AATF: variants seen among roughly 807,000 people sequenced by gnomAD.
The protein encoded by AATF is apoptosis antagonizing transcription factor.
AATF carries 48 observed loss-of-function variants against 63.7 expected under a neutral mutation model. The ratio of observed to expected loss-of-function variants is 0.75; its 90% CI spans 0.60 to 0.96. The LOEUF (loss-of-function observed/expected upper bound fraction) is 0.96. Ranked by LOEUF, AATF falls within the 40% of genes least tolerant of loss-of-function variation. The pLI, the probability that AATF is intolerant of heterozygous loss-of-function variation, is 0.00. For missense variants in AATF, 639 were observed against 685.7 expected (o/e 0.93, Z 0.76); for synonymous variants, 258 against 247.7 (o/e 1.04, Z -0.39).
chr17:37,048,363 C>CTTTTTTTTT (rs60374815), intron 11 of AATF, among the ~76,000 whole-genome samples: 2 of 70,842 alleles, frequency 2.8e-5, no homozygotes, highest in Non-Finnish European at 5.4e-5. Context: ...TTTTTCTTTT[C>CTTTTTTTTT]TTTTTTTTTT....
At chr17:37,042,770 C>T (rs1232792012) in intron 11 of AATF, among the ~76,000 whole-genome samples, 1 of 136,142 alleles carries the variant, frequency 7.3e-6, no homozygotes, top group Non-Finnish European at 1.5e-5. Context: ...GAGACGGAGT[C>T]TTGCTCTGTC....
At position 36,952,906 on chromosome 17, in the gene AATF, G is replaced by A. The variant is rs755997485; in HGVS notation, c.304G>A (p.Glu102Lys). ...TGTAGATGAGGAAATATCTGATGAGGAAGGGTCTGGAGATGAAGATTCAGA... is the reference window on the plus strand; with the variant it reads ...TGTAGATGAGGAAATATCTGATGAGAAAGGGTCTGGAGATGAAGATTCAGA... ...GSSDEEISDE[E>K]GSGDEDSEGL... is the part of the protein sequence containing the mutation. Residue 102 changes from glutamate to lysine, a missense_variant, in exon 3 of 12, where the codon GAA (glutamate) becomes AAA (lysine). Transcript: ENST00000619387. 3 of 1,613,674 alleles carry A rather than the reference G, an allele frequency of 1.9e-6. No individual in the cohort carries two copies. The highest frequency in any genetic ancestry group is 2.2e-5 in the East Asian group (1 of 44,894).
intron 10 of AATF, 65 bp from the exon 11 acceptor site, chr17:37,031,549 A>G: frequency 7.8e-7 from 1 of 1,288,714 alleles, no homozygotes; most frequent in Non-Finnish European, 1.1e-6. Context: ...AACTCACTGA[A>G]TGTGTTTCCT....
At chr17:37,007,268 A>AC (rs1432950654) in intron 8 of AATF, among the ~76,000 whole-genome samples, 12 of 151,856 alleles carry the variant, frequency 7.9e-5, no homozygotes, top group African/African-American at 2.9e-4. Context: ...GCGCACTGCA[A>AC]CCTCACACTG....
chr17:37,021,800 G>A lies in AATF; in HGVS notation c.1547+786G>A, dbSNP rs532474302. On this transcript the variant is annotated intron_variant, in intron 10 of 11. Transcript: ENST00000619387. Reference sequence around the variant, plus strand: ...AGCCTGGGCGACAGAGCGAGACTCCGTCTCAAAAAAAAAAAAAAAAATAAT... The same window carrying A: ...AGCCTGGGCGACAGAGCGAGACTCCATCTCAAAAAAAAAAAAAAAAATAAT... Among the ~76,000 whole-genome samples the A allele has an allele frequency of 1.2e-4, 13 of 109,564 alleles. 1 individual carries two copies. The highest frequency in any genetic ancestry group is 3.7e-4 in the Admixed American group (4 of 10,958). The allele number at this position is 109,564 out of a possible 152,430, so 71.9% of individuals were successfully genotyped here. A position where few individuals can be genotyped will look rare whatever the true frequency, so the allele number is the denominator to read the frequency against.
At chr17:37,053,779 T>C (rs1403510764) in intron 11 of AATF, among the ~76,000 whole-genome samples, 4 of 151,986 alleles carry the variant, frequency 2.6e-5, no homozygotes, top group Non-Finnish European at 5.9e-5. Flanking sequence ...GGCAGGAGAA[T>C]CGATTGAACC....
At chr17:37,051,194 G>T (rs1335019347) in intron 11 of AATF, 3 of 152,294 alleles carry the variant, frequency 2.0e-5, no homozygotes, top group African/African-American at 7.2e-5. Flanking sequence ...CTTTTTCGGG[G>T]AGCAGTGGAA....
Position 36,956,705 on chromosome 17 carries a change from G to A in AATF, c.832+2798G>A, listed in dbSNP as rs191797632. On this transcript the variant is annotated intron_variant, in intron 4 of 11. Coordinates refer to ENST00000619387, the MANE Select transcript of AATF (RefSeq NM_012138.4). ...AAAAAAAAAGTTCTTGGCCGGGCAC[G>A]GTGGCTCCCGCTTATAATCCCAGCA... Among the ~76,000 whole-genome samples, 83 of 151,044 alleles carry A rather than the reference G, an allele frequency of 5.5e-4. No individual in the cohort carries two copies. The East Asian group carries it at 0.016, about 29-fold the overall frequency.
At chr17:36,973,294 T>C (rs181888477) in intron 4 of AATF, among the ~76,000 whole-genome samples, 1 of 152,306 alleles carries the variant, frequency 6.6e-6, no homozygotes, top group East Asian at 1.9e-4. Context: ...ATTTATCCTT[T>C]TTTTAAAGGA....
chr17:37,028,527 T>G (rs1319877624), intron 10 of AATF, among the ~76,000 whole-genome samples: 2 of 152,230 alleles, frequency 1.3e-5, no homozygotes, highest in Admixed American at 6.5e-5. Context: ...GGCTCACGCC[T>G]GTAATCCGAG....
chr17:36,994,878 C>T (rs762500901), intron 8 of AATF, among the ~76,000 whole-genome samples: 1 of 152,174 alleles, frequency 6.6e-6, no homozygotes, highest in Non-Finnish European at 1.5e-5. Flanking sequence ...AGTCCCTGGA[C>T]TAAGTAGATA....
chr17:36,992,045 A>G (rs530206483), intron 8 of AATF, among the ~76,000 whole-genome samples: 1 of 152,344 alleles, frequency 6.6e-6, no homozygotes, highest in Non-Finnish European at 1.5e-5. Flanking sequence ...TGCTAGCTTT[A>G]GCCAAGTAAT....
At chr17:37,049,487 C>T (rs185239390) in intron 11 of AATF, among the ~76,000 whole-genome samples, 2 of 152,110 alleles carry the variant, frequency 1.3e-5, no homozygotes, top group East Asian at 3.9e-4. Context: ...CACCTGTAGT[C>T]CCAGGTACTC....
chr17:36,957,658 C>T (rs1006596265), intron 4 of AATF, among the ~76,000 whole-genome samples: 2 of 152,208 alleles, frequency 1.3e-5, no homozygotes, highest in South Asian at 2.1e-4. Flanking sequence ...GGCTTGGTGA[C>T]ACTACCTGTG....
chr17:36,978,892 T>A (rs892292807), intron 4 of AATF, among the ~76,000 whole-genome samples: 4 of 151,838 alleles, frequency 2.6e-5, no homozygotes, highest in African/African-American at 9.7e-5. Flanking sequence ...CACGCAATTC[T>A]TTGTTGAAGA....
At chr17:37,039,047 AC>A (rs1258109510) in intron 11 of AATF, among the ~76,000 whole-genome samples, 1 of 152,142 alleles carries the variant, frequency 6.6e-6, no homozygotes, top group Non-Finnish European at 1.5e-5. Flanking sequence ...CTACCACTCT[AC>A]TGATGATATT....
At chr17:37,006,464 C>T (rs894350174) in intron 8 of AATF, among the ~76,000 whole-genome samples, 6 of 151,748 alleles carry the variant, frequency 4.0e-5, no homozygotes, top group South Asian at 2.1e-4. Context: ...AGCAAAACTC[C>T]GTCTCAAAAA....
intron 11 of AATF, among the ~76,000 whole-genome samples, chr17:37,043,804 C>T (rs971619345): frequency 2.0e-5 from 3 of 152,084 alleles, no homozygotes; most frequent in Non-Finnish European, 2.9e-5. Flanking sequence ...TCTTTATGGG[C>T]CATGGTTTCT....
chr17:37,000,957 C>T (rs1042259890), intron 8 of AATF, among the ~76,000 whole-genome samples: 4 of 151,864 alleles, frequency 2.6e-5, no homozygotes, highest in African/African-American at 9.7e-5. Context: ...GTCTCTTACC[C>T]ACCTCCCACA....
Sources: allele counts gnomAD v4.1 joint callset (sites outside exome capture counted in the v4.1 genomes callset), GRCh38; gene constraint gnomAD v4.1.1; transcripts MANE v1.5; gene names NCBI Gene and HGNC (gene_info 2026-07-23, HGNC 2026-07-21).